Variants in SLC17A5 observed in about 807,000 individuals in gnomAD.
SLC17A5 encodes the protein sialin.
In SLC17A5, 47 loss-of-function variants were observed where a neutral mutation model predicts 59.4. The observed-to-expected ratio is 0.79, with a 90% CI of 0.63 to 1.01. The LOEUF is 1.01. SLC17A5 is among the 50% of genes least tolerant of loss of function. The pLI is 0.00. For synonymous variants in SLC17A5, 202 were observed against 210.7 expected, an observed-to-expected ratio of 0.96 and a Z score of 0.36; for missense variants, 522 against 595.5, an observed-to-expected ratio of 0.88 and a Z score of 1.28.
intron 10 of SLC17A5, among the ~76,000 whole-genome samples, chr6:73,595,568 G>T (rs1766755123): frequency 6.6e-6 from 1 of 152,136 alleles, no homozygotes. Flanking sequence ...ACTTGGTGAG[G>T]GTGAAGGAAA....
At chr6:73,637,552 C>T (rs188539166) in intron 4 of SLC17A5, among the ~76,000 whole-genome samples, 12 of 152,212 alleles carry the variant, frequency 7.9e-5, no homozygotes, top group South Asian at 2.1e-4. Flanking sequence ...TGATATAACC[C>T]GGCTCTTATC....
intron 6 of SLC17A5, among the ~76,000 whole-genome samples, chr6:73,627,765 A>T (rs1323427128): frequency 6.6e-6 from 1 of 151,372 alleles, no homozygotes; most frequent in Non-Finnish European, 1.5e-5. Context: ...AGAAGCTGGG[A>T]TTATAGGCAC....
intron 6 of SLC17A5, among the ~76,000 whole-genome samples, chr6:73,632,421 G>A (rs1041917692): frequency 2.9e-5 from 4 of 140,188 alleles, no homozygotes; most frequent in Non-Finnish European, 4.6e-5. Context: ...GACACATATC[G>A]ATGTAGAGAA....
rs376930836 is a variant in SLC17A5 at position 73,601,561 on chromosome 6, A to T, written c.1260-1120T>A. On this transcript the variant is annotated intron_variant, in intron 9 of 10. Coordinates refer to ENST00000355773, the MANE Select transcript of SLC17A5 (RefSeq NM_012434.5). ...GCCAACCCGTCCGGGAGGTGAGGGG[A>T]GCCTCTGCCCGGCCGCCCCTACTGG... Among the ~76,000 whole-genome samples, 77 of 36,086 alleles carry T rather than the reference A, an allele frequency of 2.1e-3. 1 individual carries two copies. The highest frequency in any genetic ancestry group is 0.015 in the East Asian group (23 of 1,522). 23.7% of individuals were successfully genotyped at this position (36,086 alleles called of 152,430 possible).
intron 7 of SLC17A5, among the ~76,000 whole-genome samples, chr6:73,619,278 C>A (rs1768023830): frequency 6.6e-6 from 1 of 152,128 alleles, no homozygotes; most frequent in Non-Finnish European, 1.5e-5. Flanking sequence ...TTGCTCCATG[C>A]AGGGTTAGCA....
chr6:73,629,875 T>C (rs7759157), intron 6 of SLC17A5, among the ~76,000 whole-genome samples: 24,876 of 152,186 alleles, frequency 0.16, 3,143 homozygotes, highest in African/African-American at 0.35. Context: ...TGTCTTTCCA[T>C]AATTCATTAA....
intron 6 of SLC17A5, among the ~76,000 whole-genome samples, chr6:73,625,142 A>G (rs1424961983): frequency 6.6e-6 from 1 of 152,126 alleles, no homozygotes; most frequent in Non-Finnish European, 1.5e-5. Context: ...TTTACTTGAC[A>G]TCTTTGTAGA....
At chr6:73,643,188 A>G (rs553773349) in intron 2 of SLC17A5, among the ~76,000 whole-genome samples, 3 of 151,526 alleles carry the variant, frequency 2.0e-5, no homozygotes, top group Admixed American at 6.6e-5. Flanking sequence ...TTGAGACGGA[A>G]TCTCGCTGTG....
chr6:73,600,438 A>G lies in SLC17A5; in HGVS notation c.1263T>C (p.Tyr421=), dbSNP rs772093206. The G allele has an allele frequency of 1.9e-6, 3 of 1,610,702 alleles. No individual in the cohort carries two copies. The Admixed American group carries it at 5.0e-5, about 27-fold the overall frequency. Residue 421 remains tyrosine, a synonymous_variant, in exon 10 of 11, where the codon TAT becomes TAC. Transcript: ENST00000355773. ...TTGTGATGCCCAGGAGGATACCAGC[A>G]TACCTGTAGAAACATTTTCATAGAC... ...SINHLDIAPS[Y]AGILLGITNT...
rs1225754899 is a variant in SLC17A5, at chr6:73,594,967, C to G, written c.*110G>C. 24 of 1,185,606 alleles carry G rather than the reference C, an allele frequency of 2.0e-5. No homozygotes were observed. The highest frequency in any genetic ancestry group is 3.0e-5 in the Non-Finnish European group (24 of 800,888). The allele number at this position is 1,185,606 out of a possible 1,614,324, so 73.4% of individuals were successfully genotyped here. A position where few individuals can be genotyped will look rare whatever the true frequency, so the allele number is the denominator to read the frequency against. On this transcript the variant is annotated 3_prime_UTR_variant, in exon 11 of 11. Coordinates refer to ENST00000355773, the MANE Select transcript of SLC17A5 (RefSeq NM_012434.5). ...GATTATAGGCCTTAAAAATCTAATA[C>G]AAGTACAATTAAAAAAAGACATAGA...
intron 6 of SLC17A5, among the ~76,000 whole-genome samples, chr6:73,630,150 G>A (rs967604623): frequency 1.3e-5 from 2 of 151,886 alleles, no homozygotes; most frequent in Admixed American, 6.6e-5. Flanking sequence ...ACGCTACGAC[G>A]CCTGGCTAAT....
At position 73,610,393 on chromosome 6, in the gene SLC17A5, T is replaced by C. The variant is rs1160210287; in HGVS notation, c.1259+7A>G. On this transcript the variant is annotated splice_region_variant and intron_variant, in intron 9 of 10. Coordinates refer to ENST00000355773, the MANE Select transcript of SLC17A5 (RefSeq NM_012434.5). Reference sequence around the variant, plus strand: ...CAATCACAGCAAATCTTTATATTAGTACTCACGAAGGAGCAATATCCAGAT... The same window carrying C: ...CAATCACAGCAAATCTTTATATTAGCACTCACGAAGGAGCAATATCCAGAT... 1.2e-6 allele frequency: 2 copies of C among 1,613,818 alleles called. No individual in the cohort carries two copies. Among genetic ancestry groups the C allele is most frequent in the South Asian group, 1.1e-5 (1 of 91,076 alleles).
intron 5 of SLC17A5, 129 bp downstream of exon 5, chr6:73,636,492 A>C (rs747398640): frequency 5.3e-5 from 33 of 627,028 alleles, no homozygotes; most frequent in Non-Finnish European, 9.2e-5. Context: ...CTTGAAAAAC[A>C]GGTTATCAGG....
At chr6:73,600,217 C>A in intron 10 of SLC17A5, 134 bp downstream of exon 10, 1 of 731,934 alleles carries the variant, frequency 1.4e-6, no homozygotes, top group Non-Finnish European at 2.4e-6. Context: ...TCCATTAAGG[C>A]ATTTAGCTTT....
chr6:73,653,233 T>C (rs1254692655), intron 1 of SLC17A5: 1 of 985,312 alleles, frequency 1.0e-6, no homozygotes, highest in Non-Finnish European at 1.2e-6. Context: ...ACTCCAGTCC[T>C]TTTTTGTCTT....
At chr6:73,595,335 A>G (rs1439951424) in intron 10 of SLC17A5, 121 bp from the exon 11 acceptor site, 1 of 1,061,638 alleles carries the variant, frequency 9.4e-7, no homozygotes, top group Non-Finnish European at 1.4e-6. Flanking sequence ...CTCATCCTTG[A>G]AACAACCCAA....
intron 10 of SLC17A5, among the ~76,000 whole-genome samples, chr6:73,596,996 A>C (rs865909642): frequency 2.4e-4 from 36 of 149,932 alleles, no homozygotes; most frequent in South Asian, 6.3e-4. Flanking sequence ...CCCTGTCCCT[A>C]CTAAAAATAC....
intron 6 of SLC17A5, among the ~76,000 whole-genome samples, chr6:73,623,645 T>C (rs1581972916): frequency 6.6e-6 from 1 of 151,082 alleles, no homozygotes; most frequent in South Asian, 2.1e-4. Context: ...AAGTGATTTA[T>C]TTTAAGTGTC....
intron 1 of SLC17A5, chr6:73,652,952 CAA>C (rs1007089513): frequency 1.4e-6 from 1 of 740,366 alleles, no homozygotes; most frequent in Admixed American, 6.3e-5. Flanking sequence ...AACTATATTA[CAA>C]AAGTGTCAAA....
Sources: gnomAD v4.1 joint callset for allele counts (sites outside exome capture counted in the v4.1 genomes callset) on GRCh38, gnomAD v4.1.1 for gene constraint, MANE v1.5 for transcripts, NCBI Gene and HGNC (gene_info 2026-07-23, HGNC 2026-07-21) for gene names.